The following KCTD8 variants were observed in gnomAD, a reference collection of about 807,000 sequenced individuals.
KCTD8 encodes potassium channel tetramerization domain containing 8.
In KCTD8, 27 loss-of-function variants were observed where a neutral mutation model predicts 31.5. The ratio of observed to expected loss-of-function variants is 0.86; its 90% confidence interval spans 0.63 to 1.18. The LOEUF is 1.18. Ranked by LOEUF, KCTD8 falls within the 50% of genes most tolerant of loss-of-function variation. KCTD8 has a pLI of 0.00. For missense variants in KCTD8, 658 were observed against 647.7 expected, an observed-to-expected ratio of 1.02 and a Z score of -0.17; for synonymous variants, 290 against 280.0, an observed-to-expected ratio of 1.04 and a Z score of -0.36.
At chr4:44,363,066 G>T (rs1336647367) in intron 1 of KCTD8, among the ~76,000 whole-genome samples, 1 of 151,990 alleles carries the variant, frequency 6.6e-6, no homozygotes, top group African/African-American at 2.4e-5. Context: ...TGGAAAGGAG[G>T]TTATGTGCAA....
rs766578434 is a variant in KCTD8, at chr4:44,448,462, G to A, written c.62C>T (p.Ser21Phe). The part of the protein sequence containing the change: ...STILPISEMV[S>F]SSSSPGASAA... ...CGACGCGCCGGGCGAGCTGGACGAG[G>A]AAACCATCTCGCTAATGGGCAGGAT... The change falls in exon 1 of 2, where the codon TCC becomes TTC. Residue 21 changes from serine (S) to phenylalanine (F), a missense_variant. Ser to Phe is a radical substitution (Grantham distance 155). Coordinates refer to ENST00000360029, the MANE Select transcript of KCTD8 (RefSeq NM_198353.3). The surrounding 1 kb of genome is among the most constrained non-coding windows in gnomAD (Gnocchi z 4.1). The A allele has an allele frequency of 1.3e-6, 2 of 1,545,206 alleles. No homozygotes were observed. The highest frequency in any genetic ancestry group is 1.3e-5 in the South Asian group (1 of 79,072).
At chr4:44,179,042 G>T (rs1187012104) in intron 1 of KCTD8, among the ~76,000 whole-genome samples, 2 of 152,150 alleles carry the variant, frequency 1.3e-5, no homozygotes, top group Non-Finnish European at 2.9e-5. Flanking sequence ...ACAAAAAGAT[G>T]CAGAGAAAAG....
At chr4:44,242,999 G>T (rs141849495) in intron 1 of KCTD8, among the ~76,000 whole-genome samples, 10 of 152,244 alleles carry the variant, frequency 6.6e-5, no homozygotes, top group African/African-American at 2.4e-4. Flanking sequence ...AAAGCACCCA[G>T]CCTCAGGTAT....
intron 1 of KCTD8, among the ~76,000 whole-genome samples, chr4:44,270,903 C>G (rs1716577393): frequency 6.6e-6 from 1 of 151,980 alleles, no homozygotes; most frequent in South Asian, 2.1e-4. Flanking sequence ...TTCTTTTTAC[C>G]AAAGTCCCTA....
At chr4:44,205,324 A>T (rs1437271657) in intron 1 of KCTD8, among the ~76,000 whole-genome samples, 1 of 152,208 alleles carries the variant, frequency 6.6e-6, no homozygotes, top group African/African-American at 2.4e-5. Context: ...AGTGTAGTGG[A>T]TAGTGTGAAA....
intron 1 of KCTD8, among the ~76,000 whole-genome samples, chr4:44,280,228 G>T (rs1716867656): frequency 6.6e-6 from 1 of 151,922 alleles, no homozygotes; most frequent in African/African-American, 2.4e-5. Context: ...TAAACAGAGA[G>T]AATCATCTAA....
chr4:44,251,786 C>G (rs1225065418), intron 1 of KCTD8, among the ~76,000 whole-genome samples: 1 of 150,976 alleles, frequency 6.6e-6, no homozygotes, highest in Non-Finnish European at 1.5e-5. Flanking sequence ...TCCCAGTTTA[C>G]TAACAGGATT....
intron 1 of KCTD8, among the ~76,000 whole-genome samples, chr4:44,175,945 G>T (rs1380107761): frequency 6.6e-6 from 1 of 152,138 alleles, no homozygotes; most frequent in Non-Finnish European, 1.5e-5. Flanking sequence ...ACCATTTGAG[G>T]TAAATTACTT....
intron 1 of KCTD8, among the ~76,000 whole-genome samples, chr4:44,414,490 C>G (rs1163275994): frequency 6.6e-6 from 1 of 151,960 alleles, no homozygotes. Flanking sequence ...ATAAATGTGT[C>G]GAAAGTAGGG....
chr4:44,380,466 A>G (rs1476138215), intron 1 of KCTD8, among the ~76,000 whole-genome samples: 1 of 151,694 alleles, frequency 6.6e-6, no homozygotes, highest in African/African-American at 2.4e-5. Context: ...CAAAGTAGGT[A>G]TTTTAATTAT....
chr4:44,236,876 G>T (rs1436806079), intron 1 of KCTD8, among the ~76,000 whole-genome samples: 5 of 152,150 alleles, frequency 3.3e-5, no homozygotes, highest in African/African-American at 1.2e-4. Flanking sequence ...TCTCATGGTA[G>T]TAAGTCTCAC....
intron 1 of KCTD8, among the ~76,000 whole-genome samples, chr4:44,336,376 A>G (rs1263996306): frequency 1.5e-4 from 22 of 151,668 alleles, no homozygotes; most frequent in Admixed American, 1.5e-3. Context: ...GAAAATTTAT[A>G]TGATAGGTTT....
intron 1 of KCTD8, among the ~76,000 whole-genome samples, chr4:44,249,315 C>A: frequency 1.3e-5 from 2 of 151,722 alleles, no homozygotes; most frequent in South Asian, 2.1e-4. Flanking sequence ...ATTAACAAGG[C>A]CTTTGAATAA....
At chr4:44,364,327 T>A (rs1295572911) in intron 1 of KCTD8, among the ~76,000 whole-genome samples, 1 of 152,028 alleles carries the variant, frequency 6.6e-6, no homozygotes, top group Non-Finnish European at 1.5e-5. Flanking sequence ...AATAAGCAGA[T>A]GAAAAGTGGC....
chr4:44,270,076 A>T (rs929943320), intron 1 of KCTD8, among the ~76,000 whole-genome samples: 10 of 152,170 alleles, frequency 6.6e-5, no homozygotes, highest in Admixed American at 2.6e-4. Flanking sequence ...ATGCTGCTAT[A>T]AAGACACATG....
In KCTD8 at chr4:44,443,709, C is replaced by T. The variant is rs190577892; in HGVS notation, c.961+3854G>A. On this transcript the variant is annotated intron_variant, in intron 1 of 1. Coordinates refer to ENST00000360029, the MANE Select transcript of KCTD8 (RefSeq NM_198353.3). Reference sequence around the variant, plus strand: ...AAAATATGGAGTTCAAAACTTGAAGCACTGTTAGAAGAGCAATACATCAGC... The same window carrying T: ...AAAATATGGAGTTCAAAACTTGAAGTACTGTTAGAAGAGCAATACATCAGC... Among the ~76,000 whole-genome samples the T allele has an allele frequency of 3.4e-4, 51 of 152,226 alleles. No homozygotes were observed. The East Asian group carries it at 9.6e-3, about 29-fold the overall frequency.
chr4:44,182,287 T>C (rs541678931), intron 1 of KCTD8, among the ~76,000 whole-genome samples: 69 of 152,304 alleles, frequency 4.5e-4, no homozygotes, highest in African/African-American at 1.7e-3. Context: ...ATCTGGGCAG[T>C]GTACCCAACA....
At chr4:44,413,831 A>C (rs1721012801) in intron 1 of KCTD8, among the ~76,000 whole-genome samples, 1 of 152,156 alleles carries the variant, frequency 6.6e-6, no homozygotes, top group African/African-American at 2.4e-5. Context: ...CATTATCCAG[A>C]AGAGCCCAAT....
chr4:44,330,022 C>T (rs553340537), intron 1 of KCTD8, among the ~76,000 whole-genome samples: 39 of 151,906 alleles, frequency 2.6e-4, no homozygotes, highest in Admixed American at 1.2e-3. Flanking sequence ...ACTATACCCA[C>T]TGTATGTTCT....
Sources: allele counts gnomAD v4.1 joint callset (sites outside exome capture counted in the v4.1 genomes callset), GRCh38; gene constraint gnomAD v4.1.1; non-coding constraint Gnocchi (gnomAD v3.1); transcripts MANE v1.5; gene names NCBI Gene and HGNC (gene_info 2026-07-23, HGNC 2026-07-21).